HSPG2: variants seen among roughly 807,000 people sequenced by gnomAD.
HSPG2 encodes the protein basement membrane-specific heparan sulfate proteoglycan core protein.
A neutral mutation model predicts 526.6 loss-of-function variants in HSPG2; 278 were observed. That is an observed-to-expected ratio of 0.53 (90% CI 0.48 to 0.58). HSPG2 has a LOEUF of 0.58. Ranked by LOEUF, HSPG2 falls within the 20% of genes least tolerant of loss-of-function variation. The pLI, the probability that HSPG2 is intolerant of heterozygous loss-of-function variation, is 0.00. For missense variants in HSPG2, 5,354 were observed against 6,099.5 expected, an observed-to-expected ratio of 0.88 and a Z score of 4.07; for synonymous variants, 2,465 against 2,555.4, an observed-to-expected ratio of 0.96 and a Z score of 1.07.
chr1:21,933,566 C>T (rs1277085020), intron 1 of HSPG2, among the ~76,000 whole-genome samples: 3 of 152,250 alleles, frequency 2.0e-5, no homozygotes, highest in African/African-American at 7.2e-5. Context: ...TTCTTTCCAC[C>T]GTCTCCCGGG....
At chr1:21,892,477 G>A (rs920104702) in intron 3 of HSPG2, among the ~76,000 whole-genome samples, 8 of 152,252 alleles carry the variant, frequency 5.3e-5, no homozygotes, top group East Asian at 1.9e-4. Flanking sequence ...ACCCCGCTTC[G>A]TTCTTCGAGA....
intron 1 of HSPG2, among the ~76,000 whole-genome samples, chr1:21,923,793 G>T (rs1408114404): frequency 2.0e-5 from 3 of 152,136 alleles, no homozygotes; most frequent in Non-Finnish European, 2.9e-5. Context: ...TAAGCCCACG[G>T]TGGTGTTTAG....
chr1:21,863,330 G>A (rs571620710), intron 37 of HSPG2, among the ~76,000 whole-genome samples: 2 of 150,916 alleles, frequency 1.3e-5, no homozygotes, highest in African/African-American at 2.4e-5. Context: ...CCCAGATGGC[G>A]CCACTGCACT....
intron 77 of HSPG2, among the ~76,000 whole-genome samples, 161 bp from the exon 78 acceptor site, chr1:21,834,086 G>A (rs547327113): frequency 6.6e-6 from 1 of 152,350 alleles, no homozygotes; most frequent in African/African-American, 2.4e-5. Flanking sequence ...AAAAGCGGCT[G>A]TTTGCTCCTG....
rs1443264342 is a variant in HSPG2 at position 21,849,002 on chromosome 1, C to G, written c.7476G>C (p.Gln2492His). ...ACTCCCCTGAATCAGCTGGGGTCAC[C>G]TGGAGCAGGCGTAGCCTCGAGCCAT... ...QVHGSRLRLL[Q>H]VTPADSGEYV... The change falls in exon 58 of 97, where the codon CAG becomes CAC. Residue 2492 changes from glutamine (Q) to histidine (H), a missense_variant. Coordinates refer to ENST00000374695, the MANE Select transcript of HSPG2 (RefSeq NM_005529.7). 6.2e-7 allele frequency: 1 copy of G among 1,614,022 alleles called. No homozygotes were observed. Among genetic ancestry groups the G allele is most frequent in the Non-Finnish European group, 8.5e-7 (1 of 1,180,008 alleles).
Position 21,857,113 on chromosome 1 carries a change from G to A in HSPG2, c.5477C>T (p.Thr1826Ile). ...ATCACTCAGCTGGACGTTGCGAATG[G>A]TCAGGATGCCATTGAAATCCATGGC... is the stretch of plus-strand genomic sequence containing the variant. ...TRAMDFNGIL[T>I]IRNVQLSDAG... Residue 1826 changes from threonine to isoleucine, a missense_variant, in exon 44 of 97, where the codon ACC becomes ATC. Coordinates refer to ENST00000374695, the MANE Select transcript of HSPG2 (RefSeq NM_005529.7). The A allele has an allele frequency of 6.2e-7, 1 of 1,614,180 alleles. No homozygotes were observed. Among genetic ancestry groups the A allele is most frequent in the South Asian group, 1.1e-5 (1 of 91,088 alleles).
chr1:21,885,227 G>A, intron 10 of HSPG2, 70 bp from the exon 11 acceptor site: 1 of 1,599,736 alleles, frequency 6.3e-7, no homozygotes, highest in Non-Finnish European at 8.6e-7. Context: ...GGCTCCGAGG[G>A]GCTAGGAGGG....
chr1:21,907,544 T>C (rs1451791783), intron 1 of HSPG2, among the ~76,000 whole-genome samples: 1 of 151,260 alleles, frequency 6.6e-6, no homozygotes, highest in Non-Finnish European at 1.5e-5. Context: ...ACACATCCAA[T>C]TTTTTTTTAA....
rs1349162966 is a variant in HSPG2 at position 21,895,698 on chromosome 1, C to A, written c.244+224G>T. Among the ~76,000 whole-genome samples, 1 of 152,226 alleles carries A rather than the reference C, an allele frequency of 6.6e-6. No homozygotes were observed. Among genetic ancestry groups the A allele is most frequent in the Non-Finnish European group, 1.5e-5 (1 of 68,034 alleles). ...GCTTTACCTGCCCAGTGCCCTGATA[C>A]CTGTGCCTGTGGCATGGGCAAGCAC... is the stretch of plus-strand genomic sequence containing the variant. On this transcript the variant is annotated intron_variant, in intron 3 of 96. Transcript: ENST00000374695. This position sits in a 1 kb window ranked among gnomAD's most constrained non-coding sequence, Gnocchi z 4.1.
chr1:21,890,042 G>A lies in HSPG2; in HGVS notation c.513C>T (p.Ser171=), dbSNP rs370729265. The A allele has an allele frequency of 4.5e-5, 72 of 1,613,930 alleles. No individual in the cohort carries two copies. The highest frequency in any genetic ancestry group is 8.9e-5 in the East Asian group (4 of 44,882). ...IQEMLLRVIS[S]GSVASYVTSP... ...AGGTGACGTAGGAGGCCACAGAGCC[G>A]CTGGAGATGACCCTGAGCAGCATCT... The change falls in exon 6 of 97, where the codon AGC becomes AGT. Residue 171 remains serine, a synonymous_variant. Transcript: ENST00000374695. This position sits in a 1 kb window ranked among gnomAD's most constrained non-coding sequence, Gnocchi z 4.1.
chr1:21,896,144 CT>C (rs1313801660), intron 2 of HSPG2, 30 bp downstream of exon 2: 8 of 1,613,758 alleles, frequency 5.0e-6, no homozygotes, highest in Non-Finnish European at 6.8e-6. Flanking sequence ...CCCCCCACCC[CT>C]CTGCTCCCAG....
chr1:21,855,262 A>G, intron 47 of HSPG2, 42 bp downstream of exon 47: 1 of 1,578,998 alleles, frequency 6.3e-7, no homozygotes, highest in Non-Finnish European at 8.6e-7. Context: ...CTCTCTGCAG[A>G]GCCTGTGGGC....
At chr1:21,903,771 C>T (rs977598031) in intron 1 of HSPG2, among the ~76,000 whole-genome samples, 7 of 152,158 alleles carry the variant, frequency 4.6e-5, no homozygotes, top group Admixed American at 4.6e-4. Context: ...TCCAGGCAGG[C>T]CCCATGTGGT....
intron 1 of HSPG2, among the ~76,000 whole-genome samples, chr1:21,926,052 A>C (rs979004773): frequency 2.0e-5 from 3 of 151,442 alleles, no homozygotes; most frequent in Admixed American, 6.6e-5. Flanking sequence ...CTGCTCTCGA[A>C]CTCCTAGCCT....
At chr1:21,901,781 C>A (rs1181815904) in intron 1 of HSPG2, among the ~76,000 whole-genome samples, 5 of 152,104 alleles carry the variant, frequency 3.3e-5, no homozygotes, top group African/African-American at 4.8e-5. Flanking sequence ...AGAGACAGTG[C>A]AGGGGCGGGG....
intron 74 of HSPG2, among the ~76,000 whole-genome samples, chr1:21,837,421 C>T (rs1172520583): frequency 6.6e-6 from 1 of 151,768 alleles, no homozygotes; most frequent in African/African-American, 2.4e-5. Context: ...GCTGAGACTA[C>T]AGGTGCGCCA....
rs1022399682 is a variant in HSPG2, at chr1:21,895,447, C to A, written c.244+475G>T. On this transcript the variant is annotated intron_variant, in intron 3 of 96. Coordinates refer to ENST00000374695, the MANE Select transcript of HSPG2 (RefSeq NM_005529.7). This position sits in a 1 kb window ranked among gnomAD's most constrained non-coding sequence, Gnocchi z 4.1. ...ACCCACCTTAAGGCAAGGTTCTCTC[C>A]CAAGCCTAGCGTCAGGCTCGATCTG... Among the ~76,000 whole-genome samples, 1 of 152,286 alleles carries A rather than the reference C, an allele frequency of 6.6e-6. No homozygotes were observed. Among genetic ancestry groups the A allele is most frequent in the Non-Finnish European group, 1.5e-5 (1 of 68,000 alleles).
chr1:21,891,166 T>C (rs1403545294), intron 3 of HSPG2, among the ~76,000 whole-genome samples: 3 of 152,292 alleles, frequency 2.0e-5, no homozygotes, highest in Admixed American at 1.3e-4. Context: ...TCCCCTGGGC[T>C]CCCACAGTGC....
chr1:21,848,503 G>C lies in HSPG2; in HGVS notation c.7737+140C>G, dbSNP rs76426597. The C allele has an allele frequency of 2.1e-3, 2,074 of 1,003,420 alleles. 19 individuals are homozygous for C. In the African/African-American group the frequency reaches 0.027, roughly 13 times the overall value. The allele number at this position is 1,003,420 out of a possible 1,614,324, so 62.2% of individuals were successfully genotyped here. A position where few individuals can be genotyped will look rare whatever the true frequency, so the allele number is the denominator to read the frequency against. ...CCTTATTTCTGTATTCTCAGCACTG[G>C]TCTAGGACCCATCCAGCAAGGATAC... On this transcript the variant is annotated intron_variant, in intron 59 of 96. Transcript: ENST00000374695. The surrounding 1 kb of genome is among the most constrained non-coding windows in gnomAD (Gnocchi z 4.9).
Sources: allele counts gnomAD v4.1 joint callset (sites outside exome capture counted in the v4.1 genomes callset), GRCh38; gene constraint gnomAD v4.1.1; non-coding constraint Gnocchi (gnomAD v3.1); transcripts MANE v1.5; gene names NCBI Gene and HGNC (gene_info 2026-07-23, HGNC 2026-07-21).